OSBPL6: variants seen among roughly 807,000 people sequenced by gnomAD.
OSBPL6 encodes the protein oxysterol-binding protein-related protein 6.
OSBPL6 carries 49 observed loss-of-function variants against 125.8 expected under a neutral mutation model. The ratio of observed to expected loss-of-function variants is 0.39; its 90% CI spans 0.31 to 0.49. The LOEUF is 0.49. Ranked by LOEUF, OSBPL6 falls within the 20% of genes least tolerant of loss-of-function variation. The pLI, the probability that OSBPL6 is intolerant of heterozygous loss-of-function variation, is 0.88. For synonymous variants in OSBPL6, 394 were observed against 391.8 expected (o/e 1.01, Z -0.07); for missense variants, 986 against 1,135.4 (o/e 0.87, Z 1.89).
At chr2:178,389,788 A>G (rs1044451743) in intron 21 of OSBPL6, among the ~76,000 whole-genome samples, 7 of 152,204 alleles carry the variant, frequency 4.6e-5, no homozygotes, top group Non-Finnish European at 1.0e-4. Context: ...AGAATTCAAC[A>G]TAGTATAGAA....
chr2:178,295,963 T>C (rs573969837), intron 2 of OSBPL6, among the ~76,000 whole-genome samples: 2 of 152,310 alleles, frequency 1.3e-5, no homozygotes, highest in Admixed American at 1.3e-4. Context: ...CTTTCTTAAT[T>C]TCAGAGGAAA....
intron 1 of OSBPL6, among the ~76,000 whole-genome samples, chr2:178,201,551 T>A (rs2089260307): frequency 6.6e-6 from 1 of 152,182 alleles, no homozygotes. Context: ...GAGACATATT[T>A]TCTTAGTGGC....
At chr2:178,324,100 G>A (rs1285142126) in intron 3 of OSBPL6, 77 bp from the exon 4 acceptor site, 19 of 925,396 alleles carry the variant, frequency 2.1e-5, no homozygotes, top group Non-Finnish European at 3.1e-5. Context: ...ACTGTGTTGT[G>A]TATGATTTCA....
chr2:178,269,336 A>G (rs1000385777), intron 1 of OSBPL6, among the ~76,000 whole-genome samples: 2 of 152,110 alleles, frequency 1.3e-5, no homozygotes, highest in Non-Finnish European at 2.9e-5. Context: ...TAAGTTTGGG[A>G]CTACTATTAA....
chr2:178,339,815 C>T (rs780160986), intron 11 of OSBPL6, 51 bp downstream of exon 11: 14 of 1,396,220 alleles, frequency 1.0e-5, no homozygotes, highest in South Asian at 1.4e-5. Flanking sequence ...TTTTAAAGTA[C>T]TAGTCTTTAT....
In OSBPL6 at chr2:178,300,199, C is replaced by T. The variant is rs190466973; in HGVS notation, c.-155-5831C>T. Among the ~76,000 whole-genome samples the T allele has an allele frequency of 6.7e-3, 1,022 of 152,266 alleles. 9 individuals are homozygous for T. Among genetic ancestry groups the T allele is most frequent in the Non-Finnish European group, 9.1e-3 (619 of 68,016 alleles). Reference sequence around the variant, plus strand: ...GAGTTGGCTTTTCTTACAATTTGTCCTCACACTTTGAGATCCCTGTAGGTC... The same window carrying T: ...GAGTTGGCTTTTCTTACAATTTGTCTTCACACTTTGAGATCCCTGTAGGTC... On this transcript the variant is annotated intron_variant, in intron 2 of 24. Transcript: ENST00000190611.
intron 11 of OSBPL6, among the ~76,000 whole-genome samples, chr2:178,342,825 G>T (rs574390519): frequency 6.6e-6 from 1 of 152,254 alleles, no homozygotes; most frequent in African/African-American, 2.4e-5. Context: ...AGGGAATGAG[G>T]AATAGTAGAA....
At chr2:178,326,838 T>C (rs1688733710) in intron 4 of OSBPL6, among the ~76,000 whole-genome samples, 1 of 152,206 alleles carries the variant, frequency 6.6e-6, no homozygotes, top group Non-Finnish European at 1.5e-5. Context: ...AATTATTTGC[T>C]CCAAGCTGTC....
intron 1 of OSBPL6, among the ~76,000 whole-genome samples, chr2:178,199,483 A>G (rs565489895): frequency 6.6e-6 from 1 of 151,862 alleles, no homozygotes; most frequent in African/African-American, 2.4e-5. Context: ...GCCAAATCCT[A>G]TGGTTGCCTG....
chr2:178,216,204 G>A (rs1213024906), intron 1 of OSBPL6, among the ~76,000 whole-genome samples: 1 of 152,076 alleles, frequency 6.6e-6, no homozygotes, highest in Non-Finnish European at 1.5e-5. Context: ...TTTAAATGTT[G>A]GTTAGTAGAT....
At chr2:178,204,025 C>CTTTTTTTTTTT (rs1166160655) in intron 1 of OSBPL6, among the ~76,000 whole-genome samples, 6 of 129,004 alleles carry the variant, frequency 4.7e-5, no homozygotes, top group Non-Finnish European at 8.2e-5. Context: ...TTTTCTTTTT[C>CTTTTTTTTTTT]TTTTTTTTTT....
intron 1 of OSBPL6, among the ~76,000 whole-genome samples, chr2:178,257,518 C>T (rs1001899626): frequency 6.6e-6 from 1 of 152,132 alleles, no homozygotes; most frequent in African/African-American, 2.4e-5. Context: ...ATTTCTTCAA[C>T]AAGGAATATG....
At chr2:178,300,637 T>C (rs1421182244) in intron 2 of OSBPL6, among the ~76,000 whole-genome samples, 2 of 152,172 alleles carry the variant, frequency 1.3e-5, no homozygotes, top group African/African-American at 4.8e-5. Flanking sequence ...ATTTGTGTAG[T>C]TTTAGTAGAG....
intron 1 of OSBPL6, among the ~76,000 whole-genome samples, chr2:178,242,901 T>C (rs1030896116): frequency 6.6e-6 from 1 of 152,080 alleles, no homozygotes; most frequent in Non-Finnish European, 1.5e-5. Flanking sequence ...AATATATATA[T>C]ACACACACAT....
intron 3 of OSBPL6, among the ~76,000 whole-genome samples, chr2:178,322,833 T>C (rs909442178): frequency 2.0e-5 from 3 of 151,906 alleles, no homozygotes; most frequent in Non-Finnish European, 2.9e-5. Context: ...CAGTGACACT[T>C]GTATCTTTGA....
At chr2:178,233,112 AC>A (rs1369660745) in intron 1 of OSBPL6, among the ~76,000 whole-genome samples, 1 of 152,206 alleles carries the variant, frequency 6.6e-6, no homozygotes, top group African/African-American at 2.4e-5. Flanking sequence ...TCTACTTGTT[AC>A]AATTCTTCAA....
intron 1 of OSBPL6, among the ~76,000 whole-genome samples, chr2:178,232,978 A>G (rs1179803723): frequency 2.0e-5 from 3 of 152,198 alleles, no homozygotes; most frequent in African/African-American, 4.8e-5. Context: ...TGTAATTGCA[A>G]CCGACACTGG....
At chr2:178,351,394 A>T (rs891220938) in intron 12 of OSBPL6, among the ~76,000 whole-genome samples, 2 of 152,236 alleles carry the variant, frequency 1.3e-5, no homozygotes, top group African/African-American at 4.8e-5. Context: ...AATTCATTAA[A>T]GTTGCAGGAT....
At chr2:178,259,186 G>A (rs921695583) in intron 1 of OSBPL6, among the ~76,000 whole-genome samples, 1 of 152,146 alleles carries the variant, frequency 6.6e-6, no homozygotes, top group South Asian at 2.1e-4. Flanking sequence ...CTTCTCCACC[G>A]TGCTTCCTGC....
Sources: gnomAD v4.1 joint callset for allele counts (sites outside exome capture counted in the v4.1 genomes callset) on GRCh38, gnomAD v4.1.1 for gene constraint, MANE v1.5 for transcripts, NCBI Gene and HGNC (gene_info 2026-07-23, HGNC 2026-07-21) for gene names.